Variants in GSG1L observed in about 807,000 individuals in gnomAD.
GSG1L encodes germ cell-specific gene 1-like protein.
GSG1L carries 24 observed loss-of-function variants against 42.1 expected under a neutral mutation model. That is an observed-to-expected ratio of 0.57 (90% CI 0.41 to 0.80). GSG1L has a LOEUF of 0.80. Among genes scored for constraint, GSG1L ranks in the 30% least tolerant of loss-of-function variants. The pLI is 0.00. For synonymous variants in GSG1L, 215 were observed against 203.5 expected (o/e 1.06, Z -0.48); for missense variants, 445 against 472.2 (o/e 0.94, Z 0.53).
intron 1 of GSG1L, among the ~76,000 whole-genome samples, chr16:28,057,979 A>G (rs1360014416): frequency 1.3e-5 from 2 of 152,238 alleles, no homozygotes; most frequent in Non-Finnish European, 2.9e-5. Context: ...AGGAAAGAAA[A>G]GGCCAGAAAG....
intron 2 of GSG1L, among the ~76,000 whole-genome samples, chr16:27,894,107 G>A (rs898977776): frequency 3.3e-5 from 5 of 152,302 alleles, no homozygotes; most frequent in African/African-American, 9.6e-5. Flanking sequence ...ACCTGGACCA[G>A]GTGACCTTAG....
At chr16:27,893,117 G>T (rs1396076282) in intron 2 of GSG1L, among the ~76,000 whole-genome samples, 1 of 152,178 alleles carries the variant, frequency 6.6e-6, no homozygotes, top group Non-Finnish European at 1.5e-5. Flanking sequence ...TCAATTTGCG[G>T]CAGAGAACAG....
chr16:27,991,172 C>T (rs888626950), intron 1 of GSG1L, among the ~76,000 whole-genome samples: 1 of 152,124 alleles, frequency 6.6e-6, no homozygotes, highest in Non-Finnish European at 1.5e-5. Context: ...TAGATTCCAG[C>T]CTTGACAGTT....
At chr16:27,803,672 G>T (rs1282200162) in intron 6 of GSG1L, among the ~76,000 whole-genome samples, 1 of 151,692 alleles carries the variant, frequency 6.6e-6, no homozygotes, top group African/African-American at 2.4e-5. Flanking sequence ...AAGAACGACT[G>T]CAACAGCAAA....
chr16:27,925,747 G>A (rs2084585426), intron 2 of GSG1L, among the ~76,000 whole-genome samples: 1 of 152,142 alleles, frequency 6.6e-6, no homozygotes, highest in East Asian at 1.9e-4. Context: ...GTTAGGACAG[G>A]AACCGAGGGG....
intron 2 of GSG1L, among the ~76,000 whole-genome samples, chr16:27,952,692 C>T (rs1388578036): frequency 1.3e-5 from 2 of 152,232 alleles, no homozygotes; most frequent in Non-Finnish European, 2.9e-5. Context: ...CAAAGGTTTT[C>T]AGCAGGGGCC....
Position 27,961,927 on chromosome 16 carries a change from G to A in GSG1L, c.397+1229C>T, listed in dbSNP as rs189142644. ...TCACCAGCTGCCACTTGACTGGAGC[G>A]CTCCAAAAAGACAGTGTCTGCAAAA... On this transcript the variant is annotated intron_variant, in intron 2 of 6. Transcript: ENST00000447459. Among the ~76,000 whole-genome samples the A allele has an allele frequency of 1.2e-3, 177 of 152,164 alleles. 1 individual carries two copies. Among genetic ancestry groups the A allele is most frequent in the African/African-American group, 4.1e-3 (171 of 41,528 alleles).
At chr16:27,915,694 T>C (rs1038458726) in intron 2 of GSG1L, among the ~76,000 whole-genome samples, 3 of 152,198 alleles carry the variant, frequency 2.0e-5, no homozygotes, top group African/African-American at 7.2e-5. Context: ...GAGGATCGCT[T>C]GAGCCCAGGA....
chr16:28,055,424 A>G (rs1567572134), intron 1 of GSG1L, among the ~76,000 whole-genome samples: 1 of 151,912 alleles, frequency 6.6e-6, no homozygotes, highest in Non-Finnish European at 1.5e-5. Context: ...GGCGTGAGCC[A>G]TTGTGCCGAG....
intron 1 of GSG1L, among the ~76,000 whole-genome samples, chr16:28,015,347 T>C (rs909512635): frequency 1.3e-5 from 2 of 152,126 alleles, no homozygotes; most frequent in South Asian, 4.1e-4. Flanking sequence ...TACAAAAAAA[T>C]TTTTTTAATT....
intron 6 of GSG1L, among the ~76,000 whole-genome samples, chr16:27,803,704 T>C (rs980289468): frequency 2.6e-5 from 4 of 151,040 alleles, no homozygotes; most frequent in Non-Finnish European, 5.9e-5. Context: ...ATATTGTAGA[T>C]TACAAGATGG....
At chr16:27,924,594 A>G (rs1027943276) in intron 2 of GSG1L, among the ~76,000 whole-genome samples, 1 of 152,148 alleles carries the variant, frequency 6.6e-6, no homozygotes, top group Admixed American at 6.5e-5. Flanking sequence ...GGAGACCTGA[A>G]TTGACTTAGC....
intron 4 of GSG1L, 41 bp from the exon 5 acceptor site, chr16:27,828,997 G>A: frequency 1.3e-6 from 2 of 1,596,848 alleles, no homozygotes; most frequent in Non-Finnish European, 8.6e-7. Context: ...GTGAGGGTGG[G>A]CAAGGGACAG....
chr16:27,790,408 T>A lies in GSG1L; in HGVS notation c.*962A>T, dbSNP rs1204656797. The A allele has an allele frequency of 6.6e-6, 1 of 152,178 alleles. No homozygotes were observed. Among genetic ancestry groups the A allele is most frequent in the Non-Finnish European group, 1.5e-5 (1 of 68,024 alleles). The allele number at this position is 152,178 out of a possible 1,614,324, so 9.4% of individuals were successfully genotyped here. A position where few individuals can be genotyped will look rare whatever the true frequency, so the allele number is the denominator to read the frequency against. ...CTGATTCAAACCCCATCTCTGCCATTTGCTAGCTCTGTAATCACAGGCAAG... is the reference window on the plus strand; with the variant it reads ...CTGATTCAAACCCCATCTCTGCCATATGCTAGCTCTGTAATCACAGGCAAG... On this transcript the variant is annotated 3_prime_UTR_variant, in exon 7 of 7. Transcript: ENST00000447459.
intron 1 of GSG1L, among the ~76,000 whole-genome samples, chr16:28,022,285 T>C (rs76129183): frequency 0.061 from 9,308 of 152,080 alleles, 962 homozygotes; most frequent in African/African-American, 0.21. Context: ...GATAAATCAT[T>C]AAATCGTAAA....
intron 2 of GSG1L, among the ~76,000 whole-genome samples, chr16:27,902,003 C>A (rs1159247889): frequency 6.6e-6 from 1 of 152,226 alleles, no homozygotes; most frequent in Non-Finnish European, 1.5e-5. Context: ...TTTAAAGCAG[C>A]CACCACTGCC....
intron 3 of GSG1L, among the ~76,000 whole-genome samples, chr16:27,873,137 G>A (rs1028330765): frequency 2.0e-5 from 3 of 152,236 alleles, no homozygotes; most frequent in Non-Finnish European, 2.9e-5. Context: ...TCAGCACACA[G>A]TAGGTGCTCA....
At chr16:27,918,940 G>C (rs917492936) in intron 2 of GSG1L, among the ~76,000 whole-genome samples, 2 of 152,110 alleles carry the variant, frequency 1.3e-5, no homozygotes, top group African/African-American at 4.8e-5. Flanking sequence ...GGCAGACATT[G>C]CTAATCGATC....
chr16:27,931,339 C>A (rs2141072912), intron 2 of GSG1L, among the ~76,000 whole-genome samples: 1 of 152,304 alleles, frequency 6.6e-6, no homozygotes, highest in African/African-American at 2.4e-5. Flanking sequence ...CCACCGTGCT[C>A]AAACGGCTGG....
Sources: allele counts gnomAD v4.1 joint callset (sites outside exome capture counted in the v4.1 genomes callset), GRCh38; gene constraint gnomAD v4.1.1; transcripts MANE v1.5; gene names NCBI Gene and HGNC (gene_info 2026-07-23, HGNC 2026-07-21).